ABLIM3: variants seen among roughly 807,000 people sequenced by gnomAD.
The protein encoded by ABLIM3 is actin binding LIM protein family member 3.
A neutral mutation model predicts 109.5 loss-of-function variants in ABLIM3; 61 were observed. The ratio of observed to expected loss-of-function variants is 0.56; its 90% CI spans 0.45 to 0.69. The LOEUF (loss-of-function observed/expected upper bound fraction) is 0.69. ABLIM3 is among the 30% of genes least tolerant of loss of function. The probability of loss-of-function intolerance (pLI) is 0.00; values close to 1 mark genes in which losing one functional copy is unlikely to be tolerated. For missense variants in ABLIM3, 796 were observed against 889.5 expected, an observed-to-expected ratio of 0.89 and a Z score of 1.34; for synonymous variants, 300 against 324.8, an observed-to-expected ratio of 0.92 and a Z score of 0.82.
intron 2 of ABLIM3, among the ~76,000 whole-genome samples, chr5:149,174,151 G>A (rs1009500868): frequency 2.6e-5 from 4 of 152,088 alleles, no homozygotes; most frequent in Non-Finnish European, 1.5e-5. Flanking sequence ...CCTGGTCTAG[G>A]GAATTTCCCT....
At chr5:149,181,749 A>G (rs1756473122) in intron 2 of ABLIM3, among the ~76,000 whole-genome samples, 1 of 152,238 alleles carries the variant, frequency 6.6e-6, no homozygotes. Flanking sequence ...CAAAACTACA[A>G]GATAATGTAT....
In ABLIM3 at chr5:149,259,876, C is replaced by T. The variant is rs1285712189; in HGVS notation, c.*1472C>T. ...AACTGACTTAAATTGAACAAACCCTCACTGAGCACCTCTGATGTTGAGCAC... is the reference window on the plus strand; with the variant it reads ...AACTGACTTAAATTGAACAAACCCTTACTGAGCACCTCTGATGTTGAGCAC... On this transcript the variant is annotated 3_prime_UTR_variant, in exon 24 of 24. Coordinates refer to ENST00000309868, the MANE Select transcript of ABLIM3 (RefSeq NM_014945.5). 1 of 439,960 alleles carries T rather than the reference C, an allele frequency of 2.3e-6. No homozygotes were observed. The highest frequency in any genetic ancestry group is 4.2e-6 in the Non-Finnish European group (1 of 239,192). 27.3% of individuals were successfully genotyped at this position (439,960 alleles called of 1,614,324 possible). A position where few individuals can be genotyped will look rare whatever the true frequency, so the allele number is the denominator to read the frequency against.
At position 149,239,291 on chromosome 5, in the gene ABLIM3, TAGAGAATTA is replaced by T; in HGVS notation, c.1074+17_1074+25del. On this transcript the variant is annotated intron_variant, in intron 12 of 23. Transcript: ENST00000309868. Reference sequence around the variant, plus strand: ...CCCTACTCCCAGGTAATTCAGCTGATAGAGAATTAAGTTGATATATAATTGTGCCCCTTT... The same window carrying T: ...CCCTACTCCCAGGTAATTCAGCTGATAGTTGATATATAATTGTGCCCCTTT... 1 of 1,609,442 alleles carries T rather than the reference TAGAGAATTA, an allele frequency of 6.2e-7. No individual in the cohort carries two copies.
At chr5:149,170,384 GA>G (rs1394465343) in intron 2 of ABLIM3, among the ~76,000 whole-genome samples, 1 of 152,020 alleles carries the variant, frequency 6.6e-6, no homozygotes, top group African/African-American at 2.4e-5. Flanking sequence ...GCTTTTCTAA[GA>G]GCTCTTGCAG....
In ABLIM3 at chr5:149,246,309, G is replaced by T. The variant is rs149381214; in HGVS notation, c.1487-173G>T. On this transcript the variant is annotated intron_variant, in intron 16 of 23. Transcript: ENST00000309868. ...AGAGGAGTGTTCAGAGACCACAAAG[G>T]CAGCAGAGACCACTTTCAGCTGATG... Among the ~76,000 whole-genome samples the T allele has an allele frequency of 3.2e-3, 490 of 152,204 alleles. 5 individuals carry two copies. Among genetic ancestry groups the T allele is most frequent in the African/African-American group, 0.011 (471 of 41,546 alleles).
intron 15 of ABLIM3, among the ~76,000 whole-genome samples, chr5:149,242,782 C>T (rs12152968): frequency 0.41 from 62,178 of 152,120 alleles, 13,283 homozygotes; most frequent in East Asian, 0.59. Flanking sequence ...CCCTTACCTG[C>T]TCTCTGTCAT....
intron 2 of ABLIM3, among the ~76,000 whole-genome samples, chr5:149,171,389 A>G (rs1391953095): frequency 6.6e-6 from 1 of 152,174 alleles, no homozygotes; most frequent in Non-Finnish European, 1.5e-5. Flanking sequence ...ATTGCATCTT[A>G]TTCTTTCAAA....
At chr5:149,160,506 A>G (rs771773776) in intron 2 of ABLIM3, among the ~76,000 whole-genome samples, 10 of 152,116 alleles carry the variant, frequency 6.6e-5, no homozygotes, top group Admixed American at 2.6e-4. Context: ...ATATTGATGA[A>G]TAAATAATTG....
At chr5:149,239,218 AC>A (rs1752545365) in intron 11 of ABLIM3, 29 bp from the exon 12 acceptor site, 1 of 1,613,178 alleles carries the variant, frequency 6.2e-7, no homozygotes, top group South Asian at 1.1e-5. Context: ...TGCTCGTTCC[AC>A]AACTGCCTTC....
chr5:149,197,936 A>T (rs546776617), intron 3 of ABLIM3, among the ~76,000 whole-genome samples: 7 of 152,198 alleles, frequency 4.6e-5, no homozygotes, highest in Non-Finnish European at 1.0e-4. Flanking sequence ...AGGCCCGGGC[A>T]TCTGGATTAT....
rs1752511209 is a variant in ABLIM3 at position 149,142,119 on chromosome 5, C to A, written c.13+11C>A. The stretch of plus-strand genomic sequence containing the variant: ...CCATGAACACTAGCAGTAAGTGGAT[C>A]CTCCTCTCCTTTGCCATGGGAACAG... On this transcript the variant is annotated intron_variant, in intron 2 of 23. Transcript: ENST00000309868. The A allele has an allele frequency of 6.2e-7, 1 of 1,613,850 alleles. No homozygotes were observed. Among genetic ancestry groups the A allele is most frequent in the South Asian group, 1.1e-5 (1 of 91,054 alleles).
intron 23 of ABLIM3, among the ~76,000 whole-genome samples, chr5:149,255,602 C>T (rs188576599): frequency 2.6e-5 from 4 of 152,170 alleles, no homozygotes; most frequent in African/African-American, 4.8e-5. Flanking sequence ...AGCAAAGACT[C>T]GAAGTAGTTG....
At chr5:149,233,021 A>G (rs1174639053) in intron 9 of ABLIM3, among the ~76,000 whole-genome samples, 1 of 151,766 alleles carries the variant, frequency 6.6e-6, no homozygotes, top group Non-Finnish European at 1.5e-5. Flanking sequence ...TCCATATTCC[A>G]CCCCTAACAG....
chr5:149,219,923 A>G (rs540282849), intron 8 of ABLIM3: 3 of 152,034 alleles, frequency 2.0e-5, no homozygotes, highest in South Asian at 4.2e-4. Context: ...CCTAATCTTA[A>G]TCTTTCCCTG....
rs1472469421 is a variant in ABLIM3, at chr5:149,259,720, G to A, written c.*1316G>A. ...AAACCTTTCACCTTGAATGGGTAAT[G>A]TTTGGTGGGGGCTGTTCCTTCTTGG... is the stretch of plus-strand genomic sequence containing the variant. On this transcript the variant is annotated 3_prime_UTR_variant, in exon 24 of 24. Transcript: ENST00000309868. 3.3e-6 allele frequency: 3 copies of A among 917,174 alleles called. No individual in the cohort carries two copies. The highest frequency in any genetic ancestry group is 1.6e-5 in the African/African-American group (1 of 60,846). The allele number at this position is 917,174 out of a possible 1,614,324, so 56.8% of individuals were successfully genotyped here. A position where few individuals can be genotyped will look rare whatever the true frequency, so the allele number is the denominator to read the frequency against.
chr5:149,149,548 G>A (rs1273989278), intron 2 of ABLIM3, among the ~76,000 whole-genome samples: 1 of 152,134 alleles, frequency 6.6e-6, no homozygotes, highest in African/African-American at 2.4e-5. Flanking sequence ...ATATGGCATG[G>A]GTTGAAAAAG....
chr5:149,237,526 C>T lies in ABLIM3; in HGVS notation c.967C>T (p.Arg323Cys), dbSNP rs749829462. ...GGTTAAGTCTATCTACGAGGTACAA[C>T]GCCCCGACCTCATTTCCTATGAGCC... is the stretch of plus-strand genomic sequence containing the variant. ...PKVKSIYEVQ[R>C]PDLISYEPHS... Residue 323 changes from arginine (R) to cysteine (C), a missense_variant, in exon 11 of 24, where the codon CGC becomes TGC. By Grantham distance (180) the Arg-to-Cys change is radical (BLOSUM62 -3). Transcript: ENST00000309868. 16 of 1,614,082 alleles carry T rather than the reference C, an allele frequency of 9.9e-6. No individual in the cohort carries two copies. The highest frequency in any genetic ancestry group is 6.7e-5 in the Admixed American group (4 of 60,008).
chr5:149,247,735 T>C, intron 17 of ABLIM3, 47 bp from the exon 18 acceptor site: 1 of 1,613,386 alleles, frequency 6.2e-7, no homozygotes, highest in Admixed American at 1.7e-5. Context: ...CATCTCAGTG[T>C]CCTTTGTTTT....
intron 3 of ABLIM3, among the ~76,000 whole-genome samples, chr5:149,193,028 A>C (rs1290514199): frequency 6.6e-6 from 1 of 152,216 alleles, no homozygotes; most frequent in Non-Finnish European, 1.5e-5. Flanking sequence ...TAAGGGACTT[A>C]AGAGGTACAT....
Sources: gnomAD v4.1 joint callset for allele counts (sites outside exome capture counted in the v4.1 genomes callset) on GRCh38, gnomAD v4.1.1 for gene constraint, MANE v1.5 for transcripts, NCBI Gene and HGNC (gene_info 2026-07-23, HGNC 2026-07-21) for gene names.